IL2RA: variants seen among roughly 807,000 people sequenced by gnomAD.
The protein encoded by IL2RA is interleukin-2 receptor subunit alpha.
A neutral mutation model predicts 37.8 loss-of-function variants in IL2RA; 24 were observed. The observed-to-expected ratio is 0.63, with a 90% CI of 0.46 to 0.89. The LOEUF (loss-of-function observed/expected upper bound fraction) is 0.89. IL2RA is among the 40% of genes least tolerant of loss of function. The pLI is 0.00. For missense variants in IL2RA, 319 were observed against 348.6 expected (o/e 0.92, Z 0.68); for synonymous variants, 125 against 114.6 (o/e 1.09, Z -0.58).
intron 1 of IL2RA, among the ~76,000 whole-genome samples, chr10:6,037,597 G>C (rs966566175): frequency 3.9e-4 from 60 of 152,154 alleles, no homozygotes; most frequent in African/African-American, 1.4e-3. Flanking sequence ...CAAGAGCTTG[G>C]GCCACTGGGT....
intron 1 of IL2RA, chr10:6,039,330 A>T (rs1343964216): frequency 6.6e-6 from 1 of 152,260 alleles, no homozygotes; most frequent in Non-Finnish European, 1.5e-5. Context: ...ACGTACTTCT[A>T]TGCACCCAAT....
rs968445109 is a variant in IL2RA, at chr10:6,056,520, T to C, written c.64+5568A>G. Among the ~76,000 whole-genome samples, 6 of 152,108 alleles carry C rather than the reference T, an allele frequency of 3.9e-5. No homozygotes were observed. Among genetic ancestry groups the C allele is most frequent in the African/African-American group, 1.4e-4 (6 of 41,418 alleles). On this transcript the variant is annotated intron_variant, in intron 1 of 7. Coordinates refer to ENST00000379959, the MANE Select transcript of IL2RA (RefSeq NM_000417.3). The surrounding 1 kb of genome is among the most constrained non-coding windows in gnomAD (Gnocchi z 5.0). ...TAATCCCAGCACTTTGGAAGGCCCA[T>C]GCAGATGGATGGCTTGAGGCTCGGA...
intron 1 of IL2RA, among the ~76,000 whole-genome samples, chr10:6,027,112 A>G (rs1427416280): frequency 1.3e-5 from 2 of 152,204 alleles, no homozygotes; most frequent in Admixed American, 1.3e-4. Context: ...ACATGAGGTC[A>G]GCAGTTCAAA....
intron 1 of IL2RA, among the ~76,000 whole-genome samples, chr10:6,051,411 G>A (rs756799904): frequency 7.3e-5 from 11 of 151,700 alleles, no homozygotes; most frequent in Non-Finnish European, 1.0e-4. Flanking sequence ...CCTTTACTTG[G>A]TGACGTAATA....
rs1170948321 is a variant in IL2RA at position 6,047,660 on chromosome 10, T to A, written c.64+14428A>T. Reference sequence around the variant, plus strand: ...ATTCAAATACAATAAAGTATATAAATATAAATATATAATAAATGAAATATA... The same window carrying A: ...ATTCAAATACAATAAAGTATATAAAAATAAATATATAATAAATGAAATATA... On this transcript the variant is annotated intron_variant, in intron 1 of 7. Coordinates refer to ENST00000379959, the MANE Select transcript of IL2RA (RefSeq NM_000417.3). The surrounding 1 kb of genome is among the most constrained non-coding windows in gnomAD (Gnocchi z 5.0). Among the ~76,000 whole-genome samples the A allele has an allele frequency of 1.3e-5, 2 of 150,086 alleles. No individual in the cohort carries two copies. Among genetic ancestry groups the A allele is most frequent in the South Asian group, 2.1e-4 (1 of 4,792 alleles).
intron 1 of IL2RA, among the ~76,000 whole-genome samples, chr10:6,027,185 G>T (rs775907361): frequency 6.6e-6 from 1 of 152,144 alleles, no homozygotes; most frequent in Non-Finnish European, 1.5e-5. Flanking sequence ...AATTAGCCGG[G>T]CGTGGTGGCA....
At position 6,035,514 on chromosome 10, in the gene IL2RA, C is replaced by T. The variant is rs1839666370; in HGVS notation, c.65-9489G>A. Among the ~76,000 whole-genome samples, 1 of 152,170 alleles carries T rather than the reference C, an allele frequency of 6.6e-6. No individual in the cohort carries two copies. ...TGAGTGGTGGGCCGCACATGAGGCT[C>T]TGAGCAGGCTATATCTCTATTCTGG... On this transcript the variant is annotated intron_variant, in intron 1 of 7. Transcript: ENST00000379959. This position sits in a 1 kb window ranked among gnomAD's most constrained non-coding sequence, Gnocchi z 5.4.
chr10:6,046,927 G>C lies in IL2RA; in HGVS notation c.64+15161C>G. Reference sequence around the variant, plus strand: ...TCCTAAGGACATGGGAACTTAAGATGCAGGCAGGGATCCCATGTCCTACTG... The same window carrying C: ...TCCTAAGGACATGGGAACTTAAGATCCAGGCAGGGATCCCATGTCCTACTG... On this transcript the variant is annotated intron_variant, in intron 1 of 7. Coordinates refer to ENST00000379959, the MANE Select transcript of IL2RA (RefSeq NM_000417.3). The surrounding 1 kb of genome is among the most constrained non-coding windows in gnomAD (Gnocchi z 4.8). 6.6e-6 allele frequency among the ~76,000 whole-genome samples: 1 copy of C among 152,184 alleles called. No homozygotes were observed. The highest frequency in any genetic ancestry group is 1.5e-5 in the Non-Finnish European group (1 of 68,030).
chr10:6,021,768 G>T lies in IL2RA; in HGVS notation c.368-75C>A. 8.7e-7 allele frequency: 1 copy of T among 1,150,856 alleles called. No individual in the cohort carries two copies. Among genetic ancestry groups the T allele is most frequent in the Non-Finnish European group, 1.3e-6 (1 of 765,228 alleles). The allele number at this position is 1,150,856 out of a possible 1,614,324, so 71.3% of individuals were successfully genotyped here. On this transcript the variant is annotated intron_variant, in intron 3 of 7. Coordinates refer to ENST00000379959, the MANE Select transcript of IL2RA (RefSeq NM_000417.3). The surrounding 1 kb of genome is among the most constrained non-coding windows in gnomAD (Gnocchi z 4.9). ...AGTGAGTCCAGGTTGCCTCTTGCTA[G>T]GGACTGGACCTTGGTTCTTACTCTC...
intron 3 of IL2RA, 52 bp downstream of exon 3, chr10:6,024,192 A>C: frequency 5.1e-6 from 6 of 1,176,844 alleles, no homozygotes; most frequent in Non-Finnish European, 6.4e-6. Context: ...ATCTGCCTGC[A>C]GGAGAAGGGT....
intron 1 of IL2RA, among the ~76,000 whole-genome samples, chr10:6,055,034 A>G (rs1373459446): frequency 6.6e-6 from 1 of 152,142 alleles, no homozygotes; most frequent in Non-Finnish European, 1.5e-5. Flanking sequence ...GTGTGGGTAA[A>G]AGCAATGCGT....
At chr10:6,059,654 C>T (rs1815238527) in intron 1 of IL2RA, among the ~76,000 whole-genome samples, 2 of 152,224 alleles carry the variant, frequency 1.3e-5, no homozygotes, top group Admixed American at 1.3e-4. Flanking sequence ...ATATCCCCAC[C>T]CTCCCTGTCC....
chr10:6,032,563 T>A (rs749457671), intron 1 of IL2RA, among the ~76,000 whole-genome samples: 1 of 151,782 alleles, frequency 6.6e-6, no homozygotes, highest in Admixed American at 6.6e-5. Flanking sequence ...TGTGGTGGTG[T>A]GCGCCTGTAG....
At position 6,031,280 on chromosome 10, in the gene IL2RA, T is replaced by C. The variant is rs1304261360; in HGVS notation, c.65-5255A>G. Among the ~76,000 whole-genome samples, 4 of 151,400 alleles carry C rather than the reference T, an allele frequency of 2.6e-5. No homozygotes were observed. In the East Asian group the frequency reaches 7.8e-4, roughly 29 times the overall value. Reference sequence around the variant, plus strand: ...TGAGAAAACAGGATAGAAAAAGATATAATCTACAAAGATAAGCATAAGGAA... The same window carrying C: ...TGAGAAAACAGGATAGAAAAAGATACAATCTACAAAGATAAGCATAAGGAA... On this transcript the variant is annotated intron_variant, in intron 1 of 7. Transcript: ENST00000379959.
At chr10:6,026,298 A>G (rs909456742) in intron 1 of IL2RA, among the ~76,000 whole-genome samples, 5 of 152,200 alleles carry the variant, frequency 3.3e-5, no homozygotes, top group African/African-American at 7.2e-5. Flanking sequence ...TTTATTCCGA[A>G]TATGCCTCAT....
At chr10:6,055,967 A>G (rs894392622) in intron 1 of IL2RA, among the ~76,000 whole-genome samples, 5 of 152,200 alleles carry the variant, frequency 3.3e-5, no homozygotes, top group Admixed American at 1.3e-4. Flanking sequence ...GTTTTGAACC[A>G]TTACTCTCCA....
At position 6,035,395 on chromosome 10, in the gene IL2RA, A is replaced by C. The variant is rs773473364; in HGVS notation, c.65-9370T>G. On this transcript the variant is annotated intron_variant, in intron 1 of 7. Coordinates refer to ENST00000379959, the MANE Select transcript of IL2RA (RefSeq NM_000417.3). The surrounding 1 kb of genome is among the most constrained non-coding windows in gnomAD (Gnocchi z 5.4). ...TTCTAGGTGGGCTTCCCAAAGCCAC[A>C]TTCAGGCAGGACGGAGCTGCTCTTG... is the stretch of plus-strand genomic sequence containing the variant. Among the ~76,000 whole-genome samples, 1 of 152,202 alleles carries C rather than the reference A, an allele frequency of 6.6e-6. No homozygotes were observed. The highest frequency in any genetic ancestry group is 6.5e-5 in the Admixed American group (1 of 15,288).
chr10:6,049,350 T>A (rs1839912236), intron 1 of IL2RA, among the ~76,000 whole-genome samples: 1 of 152,172 alleles, frequency 6.6e-6, no homozygotes, highest in Non-Finnish European at 1.5e-5. Context: ...CTGGTGAGGG[T>A]GATTTTCTTT....
chr10:6,051,641 C>T (rs1246874288), intron 1 of IL2RA, among the ~76,000 whole-genome samples: 1 of 146,328 alleles, frequency 6.8e-6, no homozygotes, highest in Non-Finnish European at 1.5e-5. Flanking sequence ...GCCTCAGCCT[C>T]CCTGAGTAGC....
Sources: gnomAD v4.1 joint callset for allele counts (sites outside exome capture counted in the v4.1 genomes callset) on GRCh38, gnomAD v4.1.1 for gene constraint, Gnocchi (gnomAD v3.1) non-coding constraint, MANE v1.5 for transcripts, NCBI Gene and HGNC (gene_info 2026-07-23, HGNC 2026-07-21) for gene names.